Variants in LRRC17 observed in about 807,000 individuals in gnomAD.
LRRC17 encodes leucine rich repeat containing 17.
LRRC17 carries 33 observed loss-of-function variants against 41.5 expected under a neutral mutation model. That is an observed-to-expected ratio of 0.80 (90% CI 0.60 to 1.06). The LOEUF (loss-of-function observed/expected upper bound fraction) is 1.06, where lower values mean the gene tolerates loss of function less well. Among genes scored for constraint, LRRC17 ranks in the 50% least tolerant of loss-of-function variants. The pLI, the probability that LRRC17 is intolerant of heterozygous loss-of-function variation, is 0.00. For missense variants in LRRC17, 491 were observed against 519.3 expected (o/e 0.95, Z 0.53); for synonymous variants, 192 against 197.0 (o/e 0.97, Z 0.21).
At chr7:102,942,960 T>C (rs1330577897) in intron 3 of LRRC17, among the ~76,000 whole-genome samples, 1 of 152,196 alleles carries the variant, frequency 6.6e-6, no homozygotes, top group Non-Finnish European at 1.5e-5. Flanking sequence ...AACCCAGGTG[T>C]AGATTTCTTT....
At position 102,944,533 on chromosome 7, in the gene LRRC17, G is replaced by A; in HGVS notation, c.1252G>A (p.Asp418Asn). 6.2e-7 allele frequency: 1 copy of A among 1,613,498 alleles called. No individual in the cohort carries two copies. Among genetic ancestry groups the A allele is most frequent in the East Asian group, 2.2e-5 (1 of 44,852 alleles). The change falls in exon 4 of 4, where the codon GAT (aspartate) becomes AAT (asparagine). Residue 418 changes from aspartate (D) to asparagine (N), a missense_variant. Physicochemically the swap from Asp to Asn is conservative, Grantham distance 23. Transcript: ENST00000339431. The stretch of plus-strand genomic sequence containing the variant: ...TGAGTCATTTGACCAAGACACAGAA[G>A]ATGATGAATGGGAAAAAAAACATAG... ...YPESFDQDTE[D>N]DEWEKKHRDH...
intron 2 of LRRC17, 48 bp downstream of exon 2, chr7:102,934,733 T>C: frequency 6.9e-7 from 1 of 1,454,166 alleles, no homozygotes; most frequent in Admixed American, 2.2e-5. Flanking sequence ...CTTGAAATGC[T>C]CTTTGAATCT....
chr7:102,932,142 G>C (rs1262597877), intron 1 of LRRC17, among the ~76,000 whole-genome samples: 1 of 152,134 alleles, frequency 6.6e-6, no homozygotes, highest in Non-Finnish European at 1.5e-5. Flanking sequence ...ATTATTGTTT[G>C]AGGATTATAG....
Position 102,933,782 on chromosome 7 carries a change from C to T in LRRC17, c.-132C>T, listed in dbSNP as rs1245680172. ...ATTTTTTTCTCTTCCAGCCTAGGGA[C>T]TCCACGTACCCCAGCTGGGTCTCAT... On this transcript the variant is annotated 5_prime_UTR_variant, in exon 2 of 4. Transcript: ENST00000339431. 2.2e-6 allele frequency: 2 copies of T among 892,640 alleles called. No individual in the cohort carries two copies. The highest frequency in any genetic ancestry group is 1.7e-5 in the African/African-American group (1 of 58,968). The allele number at this position is 892,640 out of a possible 1,614,324, so 55.3% of individuals were successfully genotyped here.
At chr7:102,920,295 CAG>C (rs1484718089) in intron 1 of LRRC17, among the ~76,000 whole-genome samples, 1 of 152,110 alleles carries the variant, frequency 6.6e-6, no homozygotes, top group Non-Finnish European at 1.5e-5. Context: ...GAGCAAAAGA[CAG>C]AAATACTGAG....
Position 102,933,867 on chromosome 7 carries a change from T to C in LRRC17, c.-47T>C, listed in dbSNP as rs898745841. 59 of 1,504,230 alleles carry C rather than the reference T, an allele frequency of 3.9e-5. No homozygotes were observed. The highest frequency in any genetic ancestry group is 5.1e-5 in the Non-Finnish European group (57 of 1,122,558). The allele number at this position is 1,504,230 out of a possible 1,614,324, so 93.2% of individuals were successfully genotyped here. On this transcript the variant is annotated 5_prime_UTR_variant, in exon 2 of 4. Coordinates refer to ENST00000339431, the MANE Select transcript of LRRC17 (RefSeq NM_001031692.3). ...CTTGGATTTCAAAGGAATACTTTCA[T>C]TGTTCCGTCTGTAACACGAAGTAAT...
chr7:102,916,263 A>G (rs1815851850), intron 1 of LRRC17, among the ~76,000 whole-genome samples: 1 of 152,188 alleles, frequency 6.6e-6, no homozygotes, highest in African/African-American at 2.4e-5. Flanking sequence ...CTGGGATTAT[A>G]GGCATTAACC....
Position 102,934,676 on chromosome 7 carries a change from A to T in LRRC17, c.763A>T (p.Lys255Ter), listed in dbSNP as rs1179278272. The T allele has an allele frequency of 1.3e-6, 2 of 1,585,556 alleles. No individual in the cohort carries two copies. The highest frequency in any genetic ancestry group is 1.7e-6 in the Non-Finnish European group (2 of 1,171,816). The change falls in exon 2 of 4, where the codon AAA becomes TAA. Residue 255 changes from lysine (K) to a stop codon, truncating the protein, a stop_gained. Coordinates refer to ENST00000339431, the MANE Select transcript of LRRC17 (RefSeq NM_001031692.3). LOFTEE classifies it high-confidence loss of function. ...YVFPIQTLDC[K>*]RKELKKVPNN... ...GTTTCCCATACAAACACTGGACTGC[A>T]AAAGGAAAGGTTTGTACTTTTCTTA...
In LRRC17 at chr7:102,944,279, A is replaced by G. The variant is rs1822039148; in HGVS notation, c.998A>G (p.Tyr333Cys). Reference protein sequence around the residue: ...LSNNSLQNFDYGVLEDLYFLK... With the variant: ...LSNNSLQNFDCGVLEDLYFLK... Reference sequence around the variant, plus strand: ...AACAACAGTCTGCAAAACTTTGACTATGGCGTATTAGAAGACTTGTATTTT... The same window carrying G: ...AACAACAGTCTGCAAAACTTTGACTGTGGCGTATTAGAAGACTTGTATTTT... The change falls in exon 4 of 4, where the codon TAT becomes TGT. Residue 333 changes from tyrosine to cysteine, a missense_variant. Physicochemically the swap from Tyr to Cys is radical, Grantham distance 194. Transcript: ENST00000339431. The G allele has an allele frequency of 6.2e-7, 1 of 1,613,762 alleles. No individual in the cohort carries two copies. The highest frequency in any genetic ancestry group is 8.5e-7 in the Non-Finnish European group (1 of 1,179,888).
chr7:102,929,428 G>A (rs895664100), intron 1 of LRRC17, among the ~76,000 whole-genome samples: 2 of 152,066 alleles, frequency 1.3e-5, no homozygotes, highest in African/African-American at 2.4e-5. Context: ...TTGGGAGGCC[G>A]AGGCGGGTGG....
At chr7:102,931,759 T>C in intron 1 of LRRC17, 1 of 803,640 alleles carries the variant, frequency 1.2e-6, no homozygotes, top group East Asian at 2.7e-5. Flanking sequence ...ATGTTTAACA[T>C]AGTTTGCTCT....
chr7:102,941,046 A>T (rs1821327036), intron 3 of LRRC17, among the ~76,000 whole-genome samples: 1 of 152,228 alleles, frequency 6.6e-6, no homozygotes, highest in Non-Finnish European at 1.5e-5. Flanking sequence ...CCACAAGGGC[A>T]TATTTTAGAG....
At chr7:102,926,399 G>C in intron 1 of LRRC17, 1 of 1,573,170 alleles carries the variant, frequency 6.4e-7, no homozygotes, top group Non-Finnish European at 8.7e-7. Context: ...GAGGGAAGAG[G>C]CTTATCAAAT....
intron 1 of LRRC17, among the ~76,000 whole-genome samples, chr7:102,915,920 TA>T (rs1422390147): frequency 2.0e-5 from 3 of 152,196 alleles, no homozygotes; most frequent in African/African-American, 7.2e-5. Context: ...CAGAGACTGC[TA>T]ATACTTCTGT....
intron 3 of LRRC17, among the ~76,000 whole-genome samples, chr7:102,940,221 T>G (rs1457638439): frequency 3.4e-5 from 5 of 148,032 alleles, no homozygotes; most frequent in Non-Finnish European, 7.5e-5. Context: ...TTGTTTGTTT[T>G]TTTTTTTGAG....
intron 1 of LRRC17, among the ~76,000 whole-genome samples, chr7:102,917,572 A>G (rs540743954): frequency 2.8e-4 from 42 of 152,342 alleles, no homozygotes; most frequent in Middle Eastern, 3.4e-3. Flanking sequence ...AAGGCACTGC[A>G]GCTATAGAGA....
Position 102,933,771 on chromosome 7 carries a change from C to T in LRRC17, c.-140-3C>T. 2.6e-6 allele frequency: 2 copies of T among 759,194 alleles called. No individual in the cohort carries two copies. Among genetic ancestry groups the T allele is most frequent in the African/African-American group, 1.8e-5 (1 of 56,746 alleles). 47.0% of individuals were successfully genotyped at this position (759,194 alleles called of 1,614,324 possible). A position where few individuals can be genotyped will look rare whatever the true frequency, so the allele number is the denominator to read the frequency against. ...TTTTAATATATATTTTTTTCTCTTC[C>T]AGCCTAGGGACTCCACGTACCCCAG... On this transcript the variant is annotated splice_region_variant and splice_polypyrimidine_tract_variant and intron_variant, in intron 1 of 3. Transcript: ENST00000339431.
At position 102,934,836 on chromosome 7, in the gene LRRC17, T is replaced by A. The variant is rs956512735; in HGVS notation, c.772+151T>A. On this transcript the variant is annotated intron_variant, in intron 2 of 3. Transcript: ENST00000339431. ...TATTGACAATGGAATTTACCACAAGTTTTTCTGGGGTCCAGACTCAAGGCA... is the reference window on the plus strand; with the variant it reads ...TATTGACAATGGAATTTACCACAAGATTTTCTGGGGTCCAGACTCAAGGCA... 8 of 756,942 alleles carry A rather than the reference T, an allele frequency of 1.1e-5. No homozygotes were observed. The African/African-American group carries it at 1.1e-4, about 10-fold the overall frequency. 46.9% of individuals were successfully genotyped at this position (756,942 alleles called of 1,614,324 possible).
At chr7:102,943,624 C>T (rs1821899533) in intron 3 of LRRC17, among the ~76,000 whole-genome samples, 1 of 152,140 alleles carries the variant, frequency 6.6e-6, no homozygotes, top group East Asian at 1.9e-4. Context: ...CAAAGACTCT[C>T]GCCACTATGT....
Sources: gnomAD v4.1 joint callset for allele counts (sites outside exome capture counted in the v4.1 genomes callset) on GRCh38, gnomAD v4.1.1 for gene constraint, MANE v1.5 for transcripts, NCBI Gene and HGNC (gene_info 2026-07-23, HGNC 2026-07-21) for gene names.